Variants in CSMD1 observed in about 807,000 individuals in gnomAD.
CSMD1 encodes CUB and sushi domain-containing protein 1.
CSMD1 carries 213 observed loss-of-function variants against 417.5 expected under a neutral mutation model. The observed-to-expected ratio is 0.51, with a 90% CI of 0.46 to 0.57. CSMD1 has a LOEUF of 0.57. Ranked by LOEUF, CSMD1 falls within the 20% of genes least tolerant of loss-of-function variation. The pLI is 0.00. For missense variants in CSMD1, 6,923 were observed against 4,529.7 expected (o/e 1.53, Z -15.17); for synonymous variants, 2,862 against 1,736.8 (o/e 1.65, Z -16.11).
At chr8:3,202,441 G>C (rs1273210138) in intron 31 of CSMD1, among the ~76,000 whole-genome samples, 1 of 152,172 alleles carries the variant, frequency 6.6e-6, no homozygotes, top group South Asian at 2.1e-4. Flanking sequence ...TATGAAAGGT[G>C]TGTGAACACA....
At chr8:3,549,788 C>A (rs1264462168) in intron 10 of CSMD1, among the ~76,000 whole-genome samples, 1 of 152,158 alleles carries the variant, frequency 6.6e-6, no homozygotes. Context: ...GCCTCCACAA[C>A]TGTAAATAAT....
At chr8:4,515,057 C>T (rs551466172) in intron 2 of CSMD1, among the ~76,000 whole-genome samples, 8 of 152,222 alleles carry the variant, frequency 5.3e-5, no homozygotes, top group Non-Finnish European at 7.4e-5. Context: ...CACTCCACAC[C>T]CAGAAGGCAA....
At chr8:3,812,430 G>C (rs1360982883) in intron 5 of CSMD1, among the ~76,000 whole-genome samples, 1 of 152,042 alleles carries the variant, frequency 6.6e-6, no homozygotes, top group Non-Finnish European at 1.5e-5. Flanking sequence ...ATTAATTAAA[G>C]TGCTCACAAT....
At chr8:4,941,431 T>C (rs11784435) in intron 1 of CSMD1, among the ~76,000 whole-genome samples, 77,746 of 151,838 alleles carry the variant, frequency 0.51, 21,138 homozygotes, top group East Asian at 0.79. Context: ...AGTGTTTATA[T>C]AGGAAGCCAT....
intron 3 of CSMD1, among the ~76,000 whole-genome samples, chr8:4,100,186 T>C (rs952629502): frequency 6.6e-6 from 1 of 152,174 alleles, no homozygotes; most frequent in African/African-American, 2.4e-5. Context: ...TACCACTACC[T>C]TGGGGAAGGG....
chr8:3,796,444 T>A (rs1382333582), intron 5 of CSMD1, among the ~76,000 whole-genome samples: 1 of 135,872 alleles, frequency 7.4e-6, no homozygotes, highest in Non-Finnish European at 1.6e-5. Context: ...ATATCTATCG[T>A]GTATAGATAT....
chr8:4,800,128 A>C (rs1410347185), intron 1 of CSMD1, among the ~76,000 whole-genome samples: 1 of 152,136 alleles, frequency 6.6e-6, no homozygotes, highest in African/African-American at 2.4e-5. Context: ...TTTCCTATAT[A>C]ATTGTTATTA....
At chr8:4,703,945 A>T (rs940489950) in intron 1 of CSMD1, among the ~76,000 whole-genome samples, 2 of 152,160 alleles carry the variant, frequency 1.3e-5, no homozygotes, top group Admixed American at 6.6e-5. Flanking sequence ...CAAGTAGCAC[A>T]CAACCTAGAT....
At chr8:3,243,303 G>A (rs1488514801) in intron 26 of CSMD1, among the ~76,000 whole-genome samples, 1 of 152,130 alleles carries the variant, frequency 6.6e-6, no homozygotes, top group Non-Finnish European at 1.5e-5. Flanking sequence ...CCCCCGATCC[G>A]AGTCACAGCA....
At chr8:4,051,995 G>A (rs543350866) in intron 3 of CSMD1, among the ~76,000 whole-genome samples, 5 of 150,954 alleles carry the variant, frequency 3.3e-5, no homozygotes, top group East Asian at 2.0e-4. Flanking sequence ...GTGTTATCTC[G>A]GCTCACTGCA....
At chr8:4,299,427 C>G (rs1797863151) in intron 3 of CSMD1, among the ~76,000 whole-genome samples, 1 of 152,142 alleles carries the variant, frequency 6.6e-6, no homozygotes, top group African/African-American at 2.4e-5. Context: ...TTCAGGATTC[C>G]TACAGTCTTT....
intron 1 of CSMD1, among the ~76,000 whole-genome samples, chr8:4,968,727 G>C (rs568453508): frequency 6.6e-6 from 1 of 152,074 alleles, no homozygotes; most frequent in Non-Finnish European, 1.5e-5. Context: ...ATAAACGTTT[G>C]CTGGTTTAGT....
intron 5 of CSMD1, among the ~76,000 whole-genome samples, chr8:3,960,164 T>C (rs1294149885): frequency 6.6e-6 from 1 of 152,186 alleles, no homozygotes. Context: ...CAGCGTATCT[T>C]CTTGTATGTT....
At chr8:3,769,870 G>A (rs532099560) in intron 5 of CSMD1, among the ~76,000 whole-genome samples, 1 of 152,204 alleles carries the variant, frequency 6.6e-6, no homozygotes, top group Non-Finnish European at 1.5e-5. Context: ...AAAAACGTAT[G>A]TGTCAGAAGG....
intron 6 of CSMD1, among the ~76,000 whole-genome samples, chr8:3,752,676 CAAAAAAAAAAAA>C (rs200769696): frequency 5.2e-5 from 5 of 96,944 alleles, no homozygotes; most frequent in East Asian, 3.7e-4. Flanking sequence ...CCCCGCCTGG[CAAAAAAAAAAAA>C]AAAAAAAAAA....
chr8:4,820,356 C>T (rs1272346272), intron 1 of CSMD1, among the ~76,000 whole-genome samples: 1 of 152,140 alleles, frequency 6.6e-6, no homozygotes, highest in Non-Finnish European at 1.5e-5. Flanking sequence ...AAGAATGACT[C>T]ATATGCACTT....
intron 5 of CSMD1, among the ~76,000 whole-genome samples, chr8:3,944,402 T>C (rs957528038): frequency 1.3e-5 from 2 of 152,258 alleles, no homozygotes; most frequent in African/African-American, 4.8e-5. Context: ...GACAATTAAC[T>C]GAGTGGGTGA....
intron 3 of CSMD1, among the ~76,000 whole-genome samples, chr8:4,041,117 C>T (rs372450189): frequency 9.4e-5 from 14 of 148,676 alleles, no homozygotes; most frequent in South Asian, 2.1e-4. Context: ...CCCGGGTTCC[C>T]GCCATTCTCC....
chr8:4,609,652 G>A (rs919633285), intron 2 of CSMD1, among the ~76,000 whole-genome samples: 2 of 152,162 alleles, frequency 1.3e-5, no homozygotes, highest in Non-Finnish European at 2.9e-5. Context: ...TAATAGGCCA[G>A]TGACTTCCAA....
Sources: allele counts gnomAD v4.1 joint callset (sites outside exome capture counted in the v4.1 genomes callset), GRCh38; gene constraint gnomAD v4.1.1; transcripts MANE v1.5; gene names NCBI Gene and HGNC (gene_info 2026-07-23, HGNC 2026-07-21).